EPB41L5: variants seen among roughly 807,000 people sequenced by gnomAD.
EPB41L5 encodes the protein band 4.1-like protein 5.
In EPB41L5, 55 loss-of-function variants were observed where a neutral mutation model predicts 106.6. The observed-to-expected ratio is 0.52, with a 90% CI of 0.42 to 0.65. The LOEUF (loss-of-function observed/expected upper bound fraction) is 0.65. Among genes scored for constraint, EPB41L5 ranks in the 30% least tolerant of loss-of-function variants. EPB41L5 has a pLI of 0.00. For synonymous variants in EPB41L5, 297 were observed against 306.7 expected (o/e 0.97, Z 0.33); for missense variants, 871 against 882.1 (o/e 0.99, Z 0.16).
At chr2:120,033,763 G>A (rs1333888974) in intron 2 of EPB41L5, among the ~76,000 whole-genome samples, 2 of 148,824 alleles carry the variant, frequency 1.3e-5, no homozygotes, top group Non-Finnish European at 3.0e-5. Context: ...TTTTAATGGC[G>A]AAAACCGCAA....
intron 22 of EPB41L5, among the ~76,000 whole-genome samples, chr2:120,165,660 A>T (rs1394768929): frequency 6.6e-6 from 1 of 152,112 alleles, no homozygotes; most frequent in Admixed American, 6.5e-5. Flanking sequence ...CCCTCCAGGG[A>T]TGAGAGAGAT....
At chr2:120,090,286 A>G (rs1683320507) in intron 11 of EPB41L5, 61 bp from the exon 12 acceptor site, 2 of 1,351,676 alleles carry the variant, frequency 1.5e-6, no homozygotes, top group South Asian at 3.1e-5. Context: ...GTATCTCAGA[A>G]ATAGGAGATA....
At chr2:120,156,408 G>A (rs967299678) in intron 20 of EPB41L5, among the ~76,000 whole-genome samples, 1 of 152,200 alleles carries the variant, frequency 6.6e-6, no homozygotes. Flanking sequence ...TCCCCCTGGG[G>A]CTACAGCAGT....
chr2:120,054,812 T>C (rs747743812), intron 3 of EPB41L5, among the ~76,000 whole-genome samples: 4 of 151,948 alleles, frequency 2.6e-5, no homozygotes, highest in Non-Finnish European at 5.9e-5. Context: ...TATAGATATG[T>C]GGGTTTATTT....
intron 20 of EPB41L5, among the ~76,000 whole-genome samples, chr2:120,149,746 A>T (rs74833750): frequency 6.6e-6 from 1 of 152,210 alleles, no homozygotes; most frequent in African/African-American, 2.4e-5. Flanking sequence ...CATCTAGAGT[A>T]GAATTCCGGA....
intron 24 of EPB41L5, among the ~76,000 whole-genome samples, chr2:120,174,395 G>A (rs1687839266): frequency 1.3e-5 from 2 of 151,914 alleles, no homozygotes; most frequent in Non-Finnish European, 2.9e-5. Context: ...AGCCTGGGAT[G>A]TTGAAGCTGC....
At position 120,078,555 on chromosome 2, in the gene EPB41L5, A is replaced by C. The variant is rs754926603; in HGVS notation, c.777A>C (p.Gly259=). ...LTPTGVLVFE[G]DTKIGLFFWP... is the part of the protein sequence containing the mutation. The stretch of plus-strand genomic sequence containing the variant: ...CAACAGGAGTCCTTGTTTTTGAAGG[A>C]GATACCAAAATTGGCTTATTTTTTT... The change falls in exon 10 of 25, where the codon GGA becomes GGC. Residue 259 remains glycine, a synonymous_variant. Transcript: ENST00000263713. The C allele has an allele frequency of 7.5e-6, 12 of 1,605,976 alleles. No homozygotes were observed. The South Asian group carries it at 1.2e-4, about 16-fold the overall frequency.
intron 16 of EPB41L5, among the ~76,000 whole-genome samples, chr2:120,118,573 T>C (rs781360945): frequency 6.6e-6 from 1 of 152,124 alleles, no homozygotes; most frequent in Non-Finnish European, 1.5e-5. Context: ...TGTGTTTGCA[T>C]CATTCAGCTC....
chr2:120,149,745 T>C, intron 20 of EPB41L5, among the ~76,000 whole-genome samples: 1 of 152,222 alleles, frequency 6.6e-6, no homozygotes, highest in East Asian at 1.9e-4. Flanking sequence ...ACATCTAGAG[T>C]AGAATTCCGG....
At chr2:120,145,379 TACA>T (rs2105499691) in intron 19 of EPB41L5, among the ~76,000 whole-genome samples, 1 of 152,366 alleles carries the variant, frequency 6.6e-6, no homozygotes, top group Non-Finnish European at 1.5e-5. Context: ...TAGTGATTTG[TACA>T]ACAACATGAG....
At position 120,065,515 on chromosome 2, in the gene EPB41L5, C is replaced by CTTT. The variant is rs11373500; in HGVS notation, c.286-7650_286-7648dup. On this transcript the variant is annotated intron_variant, in intron 3 of 24. Coordinates refer to ENST00000263713, the MANE Select transcript of EPB41L5 (RefSeq NM_020909.4). ...TGTCTAAGAAAGACTTTAGATTGTTCTTTTTTTTTTTTTTTGAGATGGAGT... is the reference window on the plus strand; with the variant it reads ...TGTCTAAGAAAGACTTTAGATTGTTCTTTTTTTTTTTTTTTTTTGAGATGGAGT... Among the ~76,000 whole-genome samples the CTTT allele has an allele frequency of 1.2e-4, 17 of 139,958 alleles. 1 individual carries two copies. Among genetic ancestry groups the CTTT allele is most frequent in the East Asian group, 2.1e-4 (1 of 4,810 alleles). 91.8% of individuals were successfully genotyped at this position (139,958 alleles called of 152,430 possible).
At chr2:120,061,058 T>TTTTTTTTG (rs869213241) in intron 3 of EPB41L5, among the ~76,000 whole-genome samples, 1 of 139,118 alleles carries the variant, frequency 7.2e-6, no homozygotes. Context: ...TTTTTTTTTT[T>TTTTTTTTG]GAGAAGGAGT....
At chr2:120,165,982 A>C (rs1159704455) in intron 22 of EPB41L5, among the ~76,000 whole-genome samples, 1 of 149,896 alleles carries the variant, frequency 6.7e-6, no homozygotes, top group Non-Finnish European at 1.5e-5. Context: ...AAAAAAAAAA[A>C]AAAAAAAAAA....
At chr2:120,045,886 C>G (rs1049110095) in intron 3 of EPB41L5, among the ~76,000 whole-genome samples, 1 of 151,754 alleles carries the variant, frequency 6.6e-6, no homozygotes, top group African/African-American at 2.4e-5. Flanking sequence ...TCAGTTCCCA[C>G]CTATGAGTGA....
intron 18 of EPB41L5, among the ~76,000 whole-genome samples, chr2:120,133,119 A>T (rs1474173935): frequency 6.6e-6 from 1 of 152,114 alleles, no homozygotes; most frequent in Non-Finnish European, 1.5e-5. Flanking sequence ...TTAGGGGATC[A>T]TATAGCTAGG....
At chr2:120,127,122 A>C (rs1302136503) in intron 16 of EPB41L5, among the ~76,000 whole-genome samples, 1 of 152,022 alleles carries the variant, frequency 6.6e-6, no homozygotes, top group Non-Finnish European at 1.5e-5. Flanking sequence ...ACTTTGTGGA[A>C]CTTATTTATT....
intron 14 of EPB41L5, among the ~76,000 whole-genome samples, chr2:120,098,922 A>C (rs1159475504): frequency 6.6e-6 from 1 of 152,200 alleles, no homozygotes; most frequent in African/African-American, 2.4e-5. Context: ...TAGTAGAATG[A>C]CATGTTGGCT....
intron 24 of EPB41L5, among the ~76,000 whole-genome samples, chr2:120,173,360 T>C (rs1281597198): frequency 3.3e-5 from 5 of 152,048 alleles, no homozygotes; most frequent in Admixed American, 3.3e-4. Flanking sequence ...AGTCAGAACT[T>C]TGGGGGGTCG....
At chr2:120,103,929 A>G (rs1349504066) in intron 16 of EPB41L5, 7 of 989,282 alleles carry the variant, frequency 7.1e-6, no homozygotes, top group African/African-American at 3.4e-5. Context: ...CATGGAGTAG[A>G]TGCTGGTAAC....
Sources: gnomAD v4.1 joint callset for allele counts (sites outside exome capture counted in the v4.1 genomes callset) on GRCh38, gnomAD v4.1.1 for gene constraint, MANE v1.5 for transcripts, NCBI Gene and HGNC (gene_info 2026-07-23, HGNC 2026-07-21) for gene names.